Variants in DOCK11 observed in about 807,000 individuals in gnomAD.
DOCK11 encodes the protein dedicator of cytokinesis 11, also known as dedicator of cytokinesis protein 11.
A neutral mutation model predicts 169.1 loss-of-function variants in DOCK11; 70 were observed. That is an observed-to-expected ratio of 0.41 (90% CI 0.34 to 0.51). The LOEUF is 0.51. Ranked by LOEUF, DOCK11 falls within the 20% of genes least tolerant of loss-of-function variation. The pLI is 0.10. For missense variants in DOCK11, 1,166 were observed against 1,538.8 expected (o/e 0.76, Z 4.05); for synonymous variants, 529 against 541.3 (o/e 0.98, Z 0.32).
At chrX:118,558,934 T>G (rs1215319992) in intron 6 of DOCK11, among the ~76,000 whole-genome samples, 2 of 112,067 alleles carry the variant, frequency 1.8e-5, no homozygotes, top group Non-Finnish European at 3.8e-5. Flanking sequence ...AGCAGAGTCT[T>G]GAGGACAATT....
intron 5 of DOCK11, 50 bp downstream of exon 5, chrX:118,545,442 C>T: frequency 2.2e-6 from 2 of 910,969 alleles, no homozygotes; most frequent in Non-Finnish European, 3.0e-6. Context: ...TCCTCACGGT[C>T]ACTTTGCTGA....
In DOCK11 at chrX:118,542,723, A is replaced by G; in HGVS notation, c.103-2A>G. On this transcript the variant is annotated splice_acceptor_variant, in intron 1 of 52. Transcript: ENST00000276202. LOFTEE classifies it high-confidence loss of function. ...ATAACTTTACTTTTGTCTCTTATAA[A>G]GGAAAAGGCCAAAGTTGTTGAGCCC... The G allele has an allele frequency of 8.4e-7, 1 of 1,195,770 alleles. No individual in the cohort carries two copies. The highest frequency in any genetic ancestry group is 1.1e-6 in the Non-Finnish European group (1 of 884,103).
At chrX:118,509,620 G>A (rs756971373) in intron 1 of DOCK11, among the ~76,000 whole-genome samples, 10 of 112,383 alleles carry the variant, frequency 8.9e-5, no homozygotes, top group South Asian at 3.6e-4. Context: ...CTGGGATAAC[G>A]CAGTCCAGCA....
intron 1 of DOCK11, among the ~76,000 whole-genome samples, chrX:118,537,275 T>C (rs1474723230): frequency 1.8e-5 from 2 of 111,440 alleles, no homozygotes; most frequent in Non-Finnish European, 3.8e-5. Flanking sequence ...TTGAATTGGC[T>C]CTGTGCCCTA....
At chrX:118,685,103 A>G (rs138469694) in intron 52 of DOCK11, among the ~76,000 whole-genome samples, 1,249 of 112,355 alleles carry the variant, frequency 0.011, 25 homozygotes, top group Admixed American at 0.054. Flanking sequence ...ACGAATATCT[A>G]TGTTTATATA....
At chrX:118,657,181 G>A (rs1409437179) in intron 44 of DOCK11, among the ~76,000 whole-genome samples, 1 of 110,722 alleles carries the variant, frequency 9.0e-6, no homozygotes, top group Non-Finnish European at 1.9e-5. Flanking sequence ...GGGGCAGCTA[G>A]CATAAACACC....
At chrX:118,681,022 T>C (rs1252119521) in intron 49 of DOCK11, 36 bp from the exon 50 acceptor site, 2 of 1,096,063 alleles carry the variant, frequency 1.8e-6, no homozygotes, top group Admixed American at 6.2e-5. Flanking sequence ...CAAATGATTT[T>C]CTAAAGTCAG....
Position 118,681,778 on chromosome X carries a change from T to C in DOCK11, c.5947T>C (p.Leu1983=). ...SKYPPKKVSE[L]KDMFRKFIQA... The stretch of plus-strand genomic sequence containing the variant: ...GTATCCACCTAAGAAAGTGAGTGAG[T>C]TGAAAGACATGTTTAGGTAAGTGTT... The change falls in exon 51 of 53, where the codon TTG becomes CTG. Residue 1983 remains leucine, a synonymous_variant. Transcript: ENST00000276202. The C allele has an allele frequency of 8.3e-7, 1 of 1,200,357 alleles. No individual in the cohort carries two copies. Among genetic ancestry groups the C allele is most frequent in the Non-Finnish European group, 1.1e-6 (1 of 889,254 alleles).
rs1168599926 is a variant in DOCK11 at position 118,572,463 on chromosome X, T to G, written c.1176T>G (p.Asn392Lys). Residue 392 changes from asparagine to lysine, a missense_variant and splice_region_variant, in exon 11 of 53, where the codon AAT becomes AAG. By Grantham distance (94) the Asn-to-Lys change is moderately conservative (BLOSUM62 0). Transcript: ENST00000276202. Reference protein sequence around the residue: ...IGDNAKGPPTNVEPFFINLAL... With the variant: ...IGDNAKGPPTKVEPFFINLAL... ...ACAATGCAAAAGGACCACCCACAAATGTATGTATGACTTTGCCTTCTACCC... is the reference window on the plus strand; with the variant it reads ...ACAATGCAAAAGGACCACCCACAAAGGTATGTATGACTTTGCCTTCTACCC... 1 of 1,196,662 alleles carries G rather than the reference T, an allele frequency of 8.4e-7. No individual in the cohort carries two copies. The highest frequency in any genetic ancestry group is 1.1e-6 in the Non-Finnish European group (1 of 887,096).
chrX:118,684,271 C>CTTTTTTTTTTTTTTTTTTT (rs1197326228), intron 52 of DOCK11, among the ~76,000 whole-genome samples: 14 of 78,624 alleles, frequency 1.8e-4, no homozygotes, highest in African/African-American at 5.3e-4. Context: ...TTTTTTTTTT[C>CTTTTTTTTTTTTTTTTTTT]TTTTTTTTTT....
intron 45 of DOCK11, among the ~76,000 whole-genome samples, chrX:118,664,767 G>A (rs1018224962): frequency 3.6e-5 from 4 of 111,660 alleles, no homozygotes; most frequent in Admixed American, 1.9e-4. Flanking sequence ...ACATAATAAC[G>A]GCAAGTGAAG....
chrX:118,610,822 T>C (rs1020167071), intron 28 of DOCK11, among the ~76,000 whole-genome samples: 1 of 111,474 alleles, frequency 9.0e-6, no homozygotes, highest in African/African-American at 3.3e-5. Flanking sequence ...GCGGATCACA[T>C]GAGGTCAGGA....
intron 24 of DOCK11, among the ~76,000 whole-genome samples, chrX:118,607,318 T>C (rs1467021673): frequency 1.9e-5 from 2 of 106,268 alleles, no homozygotes; most frequent in Non-Finnish European, 3.9e-5. Flanking sequence ...GGTTTCACTG[T>C]GTTGGAAAGG....
intron 52 of DOCK11, among the ~76,000 whole-genome samples, chrX:118,684,729 G>T (rs1412318033): frequency 8.9e-6 from 1 of 111,936 alleles, no homozygotes; most frequent in Non-Finnish European, 1.9e-5. Context: ...GACCAGCATA[G>T]ATAATCAGTT....
At chrX:118,607,154 T>C (rs1305140594) in intron 24 of DOCK11, among the ~76,000 whole-genome samples, 9 of 96,632 alleles carry the variant, frequency 9.3e-5, no homozygotes, top group Admixed American at 7.9e-4. Flanking sequence ...CTAGCTCTGT[T>C]GCCCAGGCTG....
intron 13 of DOCK11, among the ~76,000 whole-genome samples, chrX:118,579,424 C>T: frequency 9.9e-6 from 1 of 100,574 alleles, no homozygotes; most frequent in Non-Finnish European, 2.0e-5. Flanking sequence ...TATTTATGTA[C>T]ATCAATCTGT....
At chrX:118,500,566 A>G (rs1199472861) in intron 1 of DOCK11, among the ~76,000 whole-genome samples, 1 of 111,557 alleles carries the variant, frequency 9.0e-6, no homozygotes, top group Non-Finnish European at 1.9e-5. Context: ...ACATACATAT[A>G]CATACCCACA....
At chrX:118,557,190 C>T (rs916593926) in intron 6 of DOCK11, among the ~76,000 whole-genome samples, 2 of 111,204 alleles carry the variant, frequency 1.8e-5, no homozygotes, top group African/African-American at 6.5e-5. Flanking sequence ...TAGAAAGAGA[C>T]GGCAAATAAA....
intron 1 of DOCK11, among the ~76,000 whole-genome samples, chrX:118,497,016 G>A (rs1189853031): frequency 8.9e-6 from 1 of 112,617 alleles, no homozygotes; most frequent in Admixed American, 9.3e-5. Flanking sequence ...CCCTTCTCTT[G>A]TTTTCAAGAC....
Sources: allele counts gnomAD v4.1 joint callset (sites outside exome capture counted in the v4.1 genomes callset), GRCh38; gene constraint gnomAD v4.1.1; transcripts MANE v1.5; gene names NCBI Gene and HGNC (gene_info 2026-07-23, HGNC 2026-07-21).